FGD4: variants seen among roughly 807,000 people sequenced by gnomAD.
FGD4 encodes the protein FYVE, RhoGEF and PH domain-containing protein 4.
A neutral mutation model predicts 102.0 loss-of-function variants in FGD4; 42 were observed. That is an observed-to-expected ratio of 0.41 (90% CI 0.32 to 0.53). The LOEUF (loss-of-function observed/expected upper bound fraction) is 0.53, where lower values mean the gene tolerates loss of function less well. Among genes scored for constraint, FGD4 ranks in the 20% least tolerant of loss-of-function variants. The pLI is 0.21. For missense variants in FGD4, 902 were observed against 1,078.2 expected (o/e 0.84, Z 2.29); for synonymous variants, 380 against 375.7 (o/e 1.01, Z -0.13).
At chr12:32,456,792 C>T (rs1942959252) in intron 1 of FGD4, among the ~76,000 whole-genome samples, 1 of 152,172 alleles carries the variant, frequency 6.6e-6, no homozygotes. Flanking sequence ...AGTAGATCCT[C>T]TTCCACAAAA....
intron 2 of FGD4, among the ~76,000 whole-genome samples, chr12:32,574,438 G>C (rs1005126254): frequency 1.4e-5 from 2 of 143,484 alleles, no homozygotes; most frequent in African/African-American, 5.2e-5. Flanking sequence ...TTCCTGTTTT[G>C]CTACATTAGT....
chr12:32,587,455 A>G (rs1270589284), intron 4 of FGD4, among the ~76,000 whole-genome samples: 1 of 151,888 alleles, frequency 6.6e-6, no homozygotes, highest in Admixed American at 6.6e-5. Context: ...CGGTGACGCT[A>G]TCTCGGCTCA....
chr12:32,525,324 A>G (rs921315480), intron 1 of FGD4, among the ~76,000 whole-genome samples: 18 of 152,246 alleles, frequency 1.2e-4, no homozygotes, highest in African/African-American at 4.3e-4. Context: ...GACAAAAATC[A>G]TAACATCACA....
At chr12:32,534,341 TC>T in intron 1 of FGD4, 1 of 1,431,580 alleles carries the variant, frequency 7.0e-7, no homozygotes, top group Non-Finnish European at 9.1e-7. Context: ...TGGTCTGAGC[TC>T]CTGGCAGATC....
chr12:32,606,153 T>C (rs11052101), intron 7 of FGD4, among the ~76,000 whole-genome samples: 19,165 of 152,238 alleles, frequency 0.13, 1,278 homozygotes, highest in Middle Eastern at 0.18. Context: ...TAATAGATTT[T>C]GGGAAAACCC....
chr12:32,480,722 C>CCA (rs1565766917), intron 1 of FGD4, among the ~76,000 whole-genome samples: 3 of 150,576 alleles, frequency 2.0e-5, no homozygotes, highest in Non-Finnish European at 4.4e-5. Context: ...GATGCTCTTG[C>CCA]TCTCCTGACC....
At chr12:32,408,767 A>G (rs77850101) in intron 1 of FGD4, among the ~76,000 whole-genome samples, 9,516 of 152,250 alleles carry the variant, frequency 0.063, 420 homozygotes, top group Middle Eastern at 0.15. Flanking sequence ...AGCATTCAGC[A>G]CCTATTTTCA....
Position 32,399,792 on chromosome 12 carries a change from G to C in FGD4, c.-2G>C. ...CGGGGAGCGGCGGTCGAGCCCGGCAGGATGAGCGACGAGGGCGGCTCCAAC... is the reference window on the plus strand; with the variant it reads ...CGGGGAGCGGCGGTCGAGCCCGGCACGATGAGCGACGAGGGCGGCTCCAAC... On this transcript the variant is annotated 5_prime_UTR_variant, in exon 1 of 17. Transcript: ENST00000534526. The C allele has an allele frequency of 6.5e-7, 1 of 1,530,218 alleles. No homozygotes were observed. The highest frequency in any genetic ancestry group is 8.7e-7 in the Non-Finnish European group (1 of 1,145,098). 94.8% of individuals were successfully genotyped at this position (1,530,218 alleles called of 1,614,324 possible).
At chr12:32,485,388 C>G (rs1379831746) in intron 1 of FGD4, among the ~76,000 whole-genome samples, 1 of 149,850 alleles carries the variant, frequency 6.7e-6, no homozygotes, top group African/African-American at 2.4e-5. Flanking sequence ...GTATTTCTTA[C>G]AATTTTCTGA....
rs1237918668 is a variant in FGD4 at position 32,561,070 on chromosome 12, GTTTTGTTTT to G, written c.167-3062_167-3054del. Reference sequence around the variant, plus strand: ...AGCAGAAATGTGGTTTCTTTGTTGGGTTTTGTTTTTTTTTTTTTTTTTTTTTTTTTTGAG... The same window carrying G: ...AGCAGAAATGTGGTTTCTTTGTTGGGTTTTTTTTTTTTTTTTTTTTTTGAG... On this transcript the variant is annotated intron_variant, in intron 1 of 16. Transcript: ENST00000534526. Among the ~76,000 whole-genome samples the G allele has an allele frequency of 1.3e-3, 115 of 90,802 alleles. 9 individuals carry two copies. The highest frequency in any genetic ancestry group is 4.0e-3 in the African/African-American group (96 of 24,028). 59.6% of individuals were successfully genotyped at this position (90,802 alleles called of 152,430 possible). A position where few individuals can be genotyped will look rare whatever the true frequency, so the allele number is the denominator to read the frequency against.
chr12:32,507,195 T>G (rs1320800998), intron 1 of FGD4, among the ~76,000 whole-genome samples: 1 of 151,344 alleles, frequency 6.6e-6, no homozygotes, highest in Non-Finnish European at 1.5e-5. Context: ...TTTTTTGTCC[T>G]TGCGATAGTT....
intron 14 of FGD4, among the ~76,000 whole-genome samples, chr12:32,626,745 A>AG (rs1950196082): frequency 6.6e-6 from 1 of 152,242 alleles, no homozygotes; most frequent in Non-Finnish European, 1.5e-5. Flanking sequence ...GAGAGGAAGA[A>AG]GAAAAAGATG....
In FGD4 at chr12:32,642,323, G is replaced by A. The variant is rs1181331347; in HGVS notation, c.*1790G>A. 2 of 152,082 alleles carry A rather than the reference G, an allele frequency of 1.3e-5. No individual in the cohort carries two copies. Among genetic ancestry groups the A allele is most frequent in the Non-Finnish European group, 2.9e-5 (2 of 67,962 alleles). The allele number at this position is 152,082 out of a possible 1,614,324, so 9.4% of individuals were successfully genotyped here. On this transcript the variant is annotated 3_prime_UTR_variant, in exon 17 of 17. Transcript: ENST00000534526. ...GGGGTATGTGTGTGATGTATACTCA[G>A]AGTGGTTTTTTGGAAAATTAAACTG...
In FGD4 at chr12:32,561,069, G is replaced by GTTTT. The variant is rs1565841408; in HGVS notation, c.167-3068_167-3067insTTTT. The stretch of plus-strand genomic sequence containing the variant: ...AAGCAGAAATGTGGTTTCTTTGTTG[G>GTTTT]GTTTTGTTTTTTTTTTTTTTTTTTT... On this transcript the variant is annotated intron_variant, in intron 1 of 16. Transcript: ENST00000534526. 1.3e-3 allele frequency among the ~76,000 whole-genome samples: 118 copies of GTTTT among 92,000 alleles called. 1 individual carries two copies. The highest frequency in any genetic ancestry group is 2.2e-3 in the Non-Finnish European group (93 of 42,720). 60.4% of individuals were successfully genotyped at this position (92,000 alleles called of 152,430 possible). A position where few individuals can be genotyped will look rare whatever the true frequency, so the allele number is the denominator to read the frequency against.
intron 1 of FGD4, among the ~76,000 whole-genome samples, chr12:32,470,615 G>A (rs1943392396): frequency 6.6e-6 from 1 of 151,694 alleles, no homozygotes; most frequent in African/African-American, 2.4e-5. Flanking sequence ...CACTACACCT[G>A]GGTAATTTTT....
intron 13 of FGD4, among the ~76,000 whole-genome samples, 162 bp downstream of exon 13, chr12:32,625,230 CT>C (rs551886354): frequency 6.7e-6 from 1 of 148,632 alleles, no homozygotes; most frequent in African/African-American, 2.5e-5. Context: ...TAGTGAGTGA[CT>C]TTTCATTCTA....
chr12:32,414,847 C>T (rs1322552327), intron 1 of FGD4, among the ~76,000 whole-genome samples: 2 of 152,108 alleles, frequency 1.3e-5, no homozygotes, highest in African/African-American at 4.8e-5. Flanking sequence ...TTTGCTCTTG[C>T]TCTTCTAGTT....
At chr12:32,562,248 A>G (rs745427361) in intron 1 of FGD4, among the ~76,000 whole-genome samples, 7 of 152,156 alleles carry the variant, frequency 4.6e-5, no homozygotes, top group Non-Finnish European at 8.8e-5. Flanking sequence ...GCCTGTGTAT[A>G]ACAGTCTTCT....
chr12:32,596,504 G>A lies in FGD4; in HGVS notation c.1012-1993G>A, dbSNP rs193230565. ...AATAACCCTGAATGTACATAGTATG[G>A]ATTTTGTCCTGTCAGTGAGAGGAAG... On this transcript the variant is annotated intron_variant, in intron 4 of 16. Coordinates refer to ENST00000534526, the MANE Select transcript of FGD4 (RefSeq NM_001370298.3). Among the ~76,000 whole-genome samples the A allele has an allele frequency of 6.6e-5, 10 of 152,276 alleles. No individual in the cohort carries two copies. The East Asian group carries it at 1.5e-3, about 23-fold the overall frequency.
Sources: allele counts gnomAD v4.1 joint callset (sites outside exome capture counted in the v4.1 genomes callset), GRCh38; gene constraint gnomAD v4.1.1; transcripts MANE v1.5; gene names NCBI Gene and HGNC (gene_info 2026-07-23, HGNC 2026-07-21).